ZBTB16: variants seen among roughly 807,000 people sequenced by gnomAD.
ZBTB16 encodes zinc finger and BTB domain containing 16.
Under a neutral mutation model 56.8 loss-of-function variants are expected in ZBTB16, and 8 were observed. The observed-to-expected ratio is 0.14, with a 90% CI of 0.08 to 0.25. The LOEUF (loss-of-function observed/expected upper bound fraction) is 0.25. Among genes scored for constraint, ZBTB16 ranks in the 10% least tolerant of loss-of-function variants. The pLI, the probability that ZBTB16 is intolerant of heterozygous loss-of-function variation, is 1.00. For missense variants in ZBTB16, 625 were observed against 903.0 expected, an observed-to-expected ratio of 0.69 and a Z score of 3.95; for synonymous variants, 363 against 368.5, an observed-to-expected ratio of 0.98 and a Z score of 0.17.
intron 4 of ZBTB16, among the ~76,000 whole-genome samples, chr11:114,220,562 C>T (rs894610362): frequency 1.3e-5 from 2 of 152,196 alleles, no homozygotes; most frequent in South Asian, 2.1e-4. Flanking sequence ...TGATTAATGT[C>T]TCCTTCAGTA....
rs564035373 is a variant in ZBTB16, at chr11:114,240,690, C to T, written c.1454-1477C>T. 5.3e-5 allele frequency among the ~76,000 whole-genome samples: 8 copies of T among 152,288 alleles called. No homozygotes were observed. The South Asian group carries it at 1.7e-3, about 32-fold the overall frequency. On this transcript the variant is annotated intron_variant, in intron 4 of 6. Transcript: ENST00000335953. ...ACTCAGACACAAGGTCAGATACTTCCTCCTGTGGTGCTGCAGCTGGAAATT... is the reference window on the plus strand; with the variant it reads ...ACTCAGACACAAGGTCAGATACTTCTTCCTGTGGTGCTGCAGCTGGAAATT...
chr11:114,171,372 C>T (rs533430847), intron 3 of ZBTB16, among the ~76,000 whole-genome samples: 1 of 152,322 alleles, frequency 6.6e-6, no homozygotes, highest in South Asian at 2.1e-4. Flanking sequence ...CCACCCCCAT[C>T]CAGAATCTCT....
In ZBTB16 at chr11:114,139,946, T is replaced by C. The variant is rs975889262; in HGVS notation, c.1269-16391T>C. The stretch of plus-strand genomic sequence containing the variant: ...CGGCACCGAGGGCTCCTAGAGCGTG[T>C]CAGACCTCAGCTCTTGAACTCTGTA... On this transcript the variant is annotated intron_variant, in intron 2 of 6. Transcript: ENST00000335953. 3.9e-4 allele frequency among the ~76,000 whole-genome samples: 59 copies of C among 152,170 alleles called. 1 individual carries two copies. The highest frequency in any genetic ancestry group is 1.4e-3 in the African/African-American group (57 of 41,440).
chr11:114,242,121 T>C (rs1330886032), intron 4 of ZBTB16, 46 bp from the exon 5 acceptor site: 1 of 1,610,730 alleles, frequency 6.2e-7, no homozygotes, highest in Non-Finnish European at 8.5e-7. Flanking sequence ...AGAATGCACC[T>C]TGTATTCCCA....
chr11:114,197,626 A>G (rs1484820090), intron 4 of ZBTB16, among the ~76,000 whole-genome samples: 1 of 141,154 alleles, frequency 7.1e-6, no homozygotes, highest in African/African-American at 2.5e-5. Flanking sequence ...AGAGTAGAAA[A>G]TGAAGTCCTT....
intron 4 of ZBTB16, among the ~76,000 whole-genome samples, chr11:114,198,262 G>C (rs1943651576): frequency 6.6e-6 from 1 of 152,262 alleles, no homozygotes; most frequent in Non-Finnish European, 1.5e-5. Context: ...AACGGCCGCG[G>C]AACGTCATAG....
At chr11:114,115,499 A>T (rs928090157) in intron 2 of ZBTB16, among the ~76,000 whole-genome samples, 1 of 151,918 alleles carries the variant, frequency 6.6e-6, no homozygotes, top group South Asian at 2.1e-4. Context: ...TTCCAAGGAG[A>T]GAGATGGGTC....
chr11:114,106,350 A>G (rs900945208), intron 2 of ZBTB16, among the ~76,000 whole-genome samples: 2 of 152,192 alleles, frequency 1.3e-5, no homozygotes, highest in Non-Finnish European at 1.5e-5. Flanking sequence ...AAGAAGCATC[A>G]TTATGATGGA....
Position 114,063,108 on chromosome 11 carries a change from A to AG in ZBTB16, c.-90-98dup. On this transcript the variant is annotated intron_variant, in intron 1 of 6. Transcript: ENST00000335953. This position sits in a 1 kb window ranked among gnomAD's most constrained non-coding sequence, Gnocchi z 6.5. ...TGCTAAGGGCTTGGCAACAGGGAGG[A>AG]GGGGGCATGTTGTAGTGGTTGAATT... 1 of 627,348 alleles carries AG rather than the reference A, an allele frequency of 1.6e-6. No individual in the cohort carries two copies. Among genetic ancestry groups the AG allele is most frequent in the South Asian group, 1.9e-5 (1 of 52,410 alleles). 38.9% of individuals were successfully genotyped at this position (627,348 alleles called of 1,614,324 possible).
chr11:114,119,240 G>A (rs913147005), intron 2 of ZBTB16, among the ~76,000 whole-genome samples: 2 of 127,914 alleles, frequency 1.6e-5, no homozygotes, highest in South Asian at 2.9e-4. Context: ...GCTCCAGCCC[G>A]GGTGAGAGAG....
chr11:114,196,662 G>A (rs1239638808), intron 4 of ZBTB16, among the ~76,000 whole-genome samples: 1 of 152,132 alleles, frequency 6.6e-6, no homozygotes, highest in African/African-American at 2.4e-5. Flanking sequence ...TGTATGCTAG[G>A]TGCTTTGTGG....
chr11:114,071,126 A>C (rs1243737188), intron 2 of ZBTB16, among the ~76,000 whole-genome samples: 5 of 151,734 alleles, frequency 3.3e-5, no homozygotes, highest in African/African-American at 1.2e-4. Flanking sequence ...TTCTTTGTGT[A>C]CCCACTTATA....
intron 2 of ZBTB16, among the ~76,000 whole-genome samples, chr11:114,120,299 A>G (rs1422580091): frequency 6.6e-6 from 1 of 152,180 alleles, no homozygotes; most frequent in Non-Finnish European, 1.5e-5. Context: ...TCCTGATGTT[A>G]TGGGATGAAT....
At chr11:114,183,552 C>T (rs745726849) in intron 3 of ZBTB16, among the ~76,000 whole-genome samples, 5 of 152,226 alleles carry the variant, frequency 3.3e-5, no homozygotes, top group South Asian at 4.1e-4. Flanking sequence ...GTGGGCTTCT[C>T]GCCGATTGGA....
At chr11:114,075,518 G>A (rs141625888) in intron 2 of ZBTB16, among the ~76,000 whole-genome samples, 3,002 of 151,682 alleles carry the variant, frequency 0.02, 269 homozygotes, top group Admixed American at 0.16. Context: ...GTGCAGTGGC[G>A]CGATCTCAGC....
At chr11:114,240,038 G>A (rs778502404) in intron 4 of ZBTB16, among the ~76,000 whole-genome samples, 5 of 152,166 alleles carry the variant, frequency 3.3e-5, no homozygotes, top group African/African-American at 4.8e-5. Flanking sequence ...CTAGCATAAC[G>A]CCTAGATTCG....
At chr11:114,179,684 G>A (rs1004630671) in intron 3 of ZBTB16, among the ~76,000 whole-genome samples, 1 of 152,064 alleles carries the variant, frequency 6.6e-6, no homozygotes, top group Non-Finnish European at 1.5e-5. Context: ...TTATTAGCAT[G>A]GGGGTGGGAG....
chr11:114,241,883 A>G (rs1591810155), intron 4 of ZBTB16, among the ~76,000 whole-genome samples: 1 of 152,026 alleles, frequency 6.6e-6, no homozygotes, highest in African/African-American at 2.4e-5. Context: ...CCTTTTACAT[A>G]CCACCCGACA....
At chr11:114,070,423 A>G (rs1298706836) in intron 2 of ZBTB16, among the ~76,000 whole-genome samples, 2 of 152,148 alleles carry the variant, frequency 1.3e-5, no homozygotes, top group East Asian at 3.9e-4. Flanking sequence ...TACCTTTCTA[A>G]AGTCTGAACA....
Sources: gnomAD v4.1 joint callset for allele counts (sites outside exome capture counted in the v4.1 genomes callset) on GRCh38, gnomAD v4.1.1 for gene constraint, Gnocchi (gnomAD v3.1) non-coding constraint, MANE v1.5 for transcripts, NCBI Gene and HGNC (gene_info 2026-07-23, HGNC 2026-07-21) for gene names.